Variants in DMRT3 observed in about 807,000 individuals in gnomAD.
DMRT3 encodes the protein doublesex and mab-3 related transcription factor 3, also known as doublesex- and mab-3-related transcription factor 3.
Under a neutral mutation model 34.9 loss-of-function variants are expected in DMRT3, and 29 were observed. The observed-to-expected ratio is 0.83, with a 90% CI of 0.62 to 1.13. DMRT3 has a LOEUF of 1.13. Ranked by LOEUF, DMRT3 falls within the 50% of genes most tolerant of loss-of-function variation. The pLI is 0.00. For synonymous variants in DMRT3, 350 were observed against 286.0 expected, an observed-to-expected ratio of 1.22 and a Z score of -2.26; for missense variants, 772 against 629.1, an observed-to-expected ratio of 1.23 and a Z score of -2.43.
chr9:979,174 G>A (rs1183282677), intron 1 of DMRT3, among the ~76,000 whole-genome samples: 1 of 152,118 alleles, frequency 6.6e-6, no homozygotes, highest in African/African-American at 2.4e-5. Flanking sequence ...CACATCCTGT[G>A]TTCTTCAGAG....
chr9:988,900 AAT>A (rs1468909490), intron 1 of DMRT3, among the ~76,000 whole-genome samples: 1 of 152,208 alleles, frequency 6.6e-6, no homozygotes, highest in South Asian at 2.1e-4. Context: ...GCTACTAAAA[AAT>A]ATGTTTCTTT....
chr9:990,501 A>G lies in DMRT3; in HGVS notation c.915A>G (p.Leu305=), dbSNP rs1563690586. 2 of 1,614,168 alleles carry G rather than the reference A, an allele frequency of 1.2e-6. No individual in the cohort carries two copies. The highest frequency in any genetic ancestry group is 1.7e-6 in the Non-Finnish European group (2 of 1,180,030). The change falls in exon 2 of 2, where the codon CTA becomes CTG. Residue 305 remains leucine, a synonymous_variant. Coordinates refer to ENST00000190165, the MANE Select transcript of DMRT3 (RefSeq NM_021240.4). ...GAACTTCCGCAGAACCTGAGAGTCT[A>G]GCGTTGCCCTCCAATGGGCACATCT... ...AERTSAEPES[L]ALPSNGHIFE... is the part of the protein sequence containing the mutation.
intron 1 of DMRT3, among the ~76,000 whole-genome samples, chr9:987,412 CTGTGTGTGTGTGTG>C (rs6150885): frequency 0.48 from 71,084 of 149,286 alleles, 17,326 homozygotes; most frequent in Middle Eastern, 0.67. Flanking sequence ...TAATATCCCA[CTGTGTGTGTGTGTG>C]TGTGTGTGTG....
chr9:980,269 A>G (rs2130057493), intron 1 of DMRT3, among the ~76,000 whole-genome samples: 1 of 152,312 alleles, frequency 6.6e-6, no homozygotes, highest in African/African-American at 2.4e-5. Flanking sequence ...TTTTTTCTCA[A>G]ATTCTGCTTT....
At position 990,001 on chromosome 9, in the gene DMRT3, C is replaced by T. The variant is rs1235034392; in HGVS notation, c.455-40C>T. ...CTGAGCACATCTGCTCCTCTTTATG[C>T]ACACCAGGAAAAGATTAACTCAGCT... On this transcript the variant is annotated intron_variant, in intron 1 of 1. Coordinates refer to ENST00000190165, the MANE Select transcript of DMRT3 (RefSeq NM_021240.4). 3.7e-6 allele frequency: 6 copies of T among 1,603,996 alleles called. No individual in the cohort carries two copies. The African/African-American group carries it at 5.3e-5, about 14-fold the overall frequency.
chr9:990,508 C>T lies in DMRT3; in HGVS notation c.922C>T (p.Pro308Ser), dbSNP rs762258982. 2 of 1,614,002 alleles carry T rather than the reference C, an allele frequency of 1.2e-6. No homozygotes were observed. The highest frequency in any genetic ancestry group is 1.7e-5 in the Admixed American group (1 of 60,002). ...TSAEPESLAL[P>S]SNGHIFEHTL... ...CGCAGAACCTGAGAGTCTAGCGTTG[C>T]CCTCCAATGGGCACATCTTTGAACA... Residue 308 changes from proline (P) to serine (S), a missense_variant, in exon 2 of 2, where the codon CCC (proline) becomes TCC (serine). Transcript: ENST00000190165.
rs1820343148 is a variant in DMRT3 at position 990,444 on chromosome 9, G to A, written c.858G>A (p.Leu286=). ...TGGTGAGCGCCGTGGAAGTCCTTCT[G>A]TCCAGCCGATCCTCAGTCACGGGAG... ...GDLVSAVEVL[L]SSRSSVTGAE... is the part of the protein sequence containing the mutation. The change falls in exon 2 of 2, where the codon CTG becomes CTA. Residue 286 remains leucine, a synonymous_variant. Coordinates refer to ENST00000190165, the MANE Select transcript of DMRT3 (RefSeq NM_021240.4). The A allele has an allele frequency of 2.5e-6, 4 of 1,614,130 alleles. No individual in the cohort carries two copies. The highest frequency in any genetic ancestry group is 3.4e-6 in the Non-Finnish European group (4 of 1,180,022).
chr9:990,301 G>C lies in DMRT3; in HGVS notation c.715G>C (p.Val239Leu), dbSNP rs1217112145. ...CCTGATTGAGGGCCCCTCGGGGACT[G>C]TTTCTCTGCCCTTCAGCTTGAAAGC... is the stretch of plus-strand genomic sequence containing the variant. ...HLLIEGPSGT[V>L]SLPFSLKANR... is the part of the protein sequence containing the mutation. The change falls in exon 2 of 2, where the codon GTT becomes CTT. Residue 239 changes from valine (V) to leucine (L), a missense_variant. By Grantham distance (32) the Val-to-Leu change is conservative. Transcript: ENST00000190165. 1 of 1,613,822 alleles carries C rather than the reference G, an allele frequency of 6.2e-7. No homozygotes were observed. Among genetic ancestry groups the C allele is most frequent in the South Asian group, 1.1e-5 (1 of 91,064 alleles).
At position 990,953 on chromosome 9, in the gene DMRT3, A is replaced by G. The variant is rs747630827; in HGVS notation, c.1367A>G (p.Tyr456Cys). 2.5e-6 allele frequency: 4 copies of G among 1,613,980 alleles called. No individual in the cohort carries two copies. In the East Asian group the frequency reaches 6.7e-5, roughly 27 times the overall value. ...SKQSIYTEDDYDERSDSSDSR... is the reference protein window; with the variant it reads ...SKQSIYTEDDCDERSDSSDSR... ...CAGTCCATTTACACCGAGGACGACTATGACGAGAGGTCTGACTCCTCAGAC... is the reference window on the plus strand; with the variant it reads ...CAGTCCATTTACACCGAGGACGACTGTGACGAGAGGTCTGACTCCTCAGAC... Residue 456 changes from tyrosine (Y) to cysteine (C), a missense_variant, in exon 2 of 2, where the codon TAT becomes TGT. By Grantham distance (194) the Tyr-to-Cys change is radical. Coordinates refer to ENST00000190165, the MANE Select transcript of DMRT3 (RefSeq NM_021240.4).
intron 1 of DMRT3, among the ~76,000 whole-genome samples, chr9:985,339 C>G (rs555486813): frequency 1.3e-5 from 2 of 152,172 alleles, no homozygotes; most frequent in African/African-American, 4.8e-5. Flanking sequence ...TCTTAATGTT[C>G]TAGGAATTAG....
In DMRT3 at chr9:977,201, T is replaced by C. The variant is rs1356215288; in HGVS notation, c.200T>C (p.Val67Ala). The C allele has an allele frequency of 6.2e-7, 1 of 1,609,032 alleles. No homozygotes were observed. Among genetic ancestry groups the C allele is most frequent in the Admixed American group, 1.7e-5 (1 of 59,646 alleles). ...ATCCTCATCATCGAGCGGCAGCGGG[T>C]CATGGCTGCGCAGGTGGCGCTGCGC... ...KCILIIERQR[V>A]MAAQVALRRQ... Residue 67 changes from valine (V) to alanine (A), a missense_variant, in exon 1 of 2, where the codon GTC becomes GCC. Physicochemically the swap from Val to Ala is moderately conservative, Grantham distance 64. Coordinates refer to ENST00000190165, the MANE Select transcript of DMRT3 (RefSeq NM_021240.4).
Position 990,315 on chromosome 9 carries a change from C to A in DMRT3, c.729C>A (p.Phe243Leu). ...EGPSGTVSLPFSLKANRPPLE... is the reference protein window; with the variant it reads ...EGPSGTVSLPLSLKANRPPLE... Reference sequence around the variant, plus strand: ...CCTCGGGGACTGTTTCTCTGCCCTTCAGCTTGAAAGCCAACAGACCGCCGC... The same window carrying A: ...CCTCGGGGACTGTTTCTCTGCCCTTAAGCTTGAAAGCCAACAGACCGCCGC... Residue 243 changes from phenylalanine (F) to leucine (L), a missense_variant, in exon 2 of 2, where the codon TTC becomes TTA. Transcript: ENST00000190165. The A allele has an allele frequency of 1.2e-6, 2 of 1,613,874 alleles. No homozygotes were observed. The highest frequency in any genetic ancestry group is 2.2e-5 in the South Asian group (2 of 91,066).
At position 990,710 on chromosome 9, in the gene DMRT3, C is replaced by T. The variant is rs1257954771; in HGVS notation, c.1124C>T (p.Thr375Ile). ...CGGTACCCGCTGATGCTGAGGAATA[C>T]TTTGGCGAGAAGCCAGTCGAGCCCC... ...PPRYPLMLRN[T>I]LARSQSSPFL... The change falls in exon 2 of 2, where the codon ACT (threonine) becomes ATT (isoleucine). Residue 375 changes from threonine to isoleucine, a missense_variant. Coordinates refer to ENST00000190165, the MANE Select transcript of DMRT3 (RefSeq NM_021240.4). 1 of 1,614,106 alleles carries T rather than the reference C, an allele frequency of 6.2e-7. No homozygotes were observed. Among genetic ancestry groups the T allele is most frequent in the Non-Finnish European group, 8.5e-7 (1 of 1,180,032 alleles).
At chr9:988,794 T>A (rs1298766950) in intron 1 of DMRT3, among the ~76,000 whole-genome samples, 1 of 152,118 alleles carries the variant, frequency 6.6e-6, no homozygotes, top group Admixed American at 6.5e-5. Flanking sequence ...ACTGGGTCAT[T>A]AGGAATTTTC....
At chr9:984,344 T>G (rs1246530301) in intron 1 of DMRT3, among the ~76,000 whole-genome samples, 1 of 152,252 alleles carries the variant, frequency 6.6e-6, no homozygotes, top group Non-Finnish European at 1.5e-5. Context: ...AATATTCCTC[T>G]CTGCTCGAGT....
chr9:980,160 C>G (rs888301590), intron 1 of DMRT3, among the ~76,000 whole-genome samples: 1 of 152,108 alleles, frequency 6.6e-6, no homozygotes, highest in African/African-American at 2.4e-5. Flanking sequence ...AAGCACATGC[C>G]TTAAGGAAGA....
rs775308624 is a variant in DMRT3, at chr9:990,425, G to A, written c.839G>A (p.Ser280Asn). ...ILKGCGGDLV[S>N]AVEVLLSSRS... ...AAGGGCTGTGGCGGGGACCTGGTGA[G>A]CGCCGTGGAAGTCCTTCTGTCCAGC... Residue 280 changes from serine to asparagine, a missense_variant, in exon 2 of 2, where the codon AGC (serine) becomes AAC (asparagine). Ser to Asn is a conservative substitution (Grantham distance 46). Transcript: ENST00000190165. The A allele has an allele frequency of 4.3e-6, 7 of 1,614,132 alleles. No individual in the cohort carries two copies. The highest frequency in any genetic ancestry group is 2.2e-5 in the South Asian group (2 of 91,080).
chr9:986,965 TGTTTCTCTTGCTTAA>T (rs1440538943), intron 1 of DMRT3, among the ~76,000 whole-genome samples: 1 of 152,110 alleles, frequency 6.6e-6, no homozygotes, highest in Non-Finnish European at 1.5e-5. Flanking sequence ...AAGGACTAGT[TGTTTCTCTTGCTTAA>T]AAAAATCTCT....
intron 1 of DMRT3, among the ~76,000 whole-genome samples, chr9:987,336 C>T (rs1476637182): frequency 1.3e-5 from 2 of 151,870 alleles, no homozygotes; most frequent in African/African-American, 2.4e-5. Context: ...TTCACTTAGC[C>T]TAATGTTCTC....
Sources: gnomAD v4.1 joint callset for allele counts (sites outside exome capture counted in the v4.1 genomes callset) on GRCh38, gnomAD v4.1.1 for gene constraint, MANE v1.5 for transcripts, NCBI Gene and HGNC (gene_info 2026-07-23, HGNC 2026-07-21) for gene names.